The following KIN variants were observed in gnomAD, a reference collection of about 807,000 sequenced individuals.
KIN encodes DNA/RNA-binding protein KIN17.
KIN carries 47 observed loss-of-function variants against 63.0 expected under a neutral mutation model. The observed-to-expected ratio is 0.75, with a 90% CI of 0.59 to 0.95. KIN has a LOEUF of 0.95. Ranked by LOEUF, KIN falls within the 40% of genes least tolerant of loss-of-function variation. The probability of loss-of-function intolerance (pLI) is 0.00; values close to 1 mark genes in which losing one functional copy is unlikely to be tolerated. For synonymous variants in KIN, 160 were observed against 157.7 expected (o/e 1.01, Z -0.11); for missense variants, 408 against 460.9 (o/e 0.89, Z 1.05).
intron 5 of KIN, among the ~76,000 whole-genome samples, chr10:7,778,506 C>T (rs762914038): frequency 2.0e-5 from 3 of 152,190 alleles, no homozygotes; most frequent in Non-Finnish European, 2.9e-5. Context: ...TTTGGGAGGC[C>T]GAGGCGGCCG....
chr10:7,762,018 T>A (rs1263279093), intron 11 of KIN, among the ~76,000 whole-genome samples: 1 of 151,830 alleles, frequency 6.6e-6, no homozygotes, highest in Admixed American at 6.6e-5. Context: ...AATAAATAAA[T>A]AAAAATAAAA....
intron 7 of KIN, among the ~76,000 whole-genome samples, chr10:7,772,808 C>G (rs534148247): frequency 6.6e-6 from 1 of 152,262 alleles, no homozygotes; most frequent in East Asian, 1.9e-4. Flanking sequence ...TTGCTAATAT[C>G]AAGGTTTGGC....
At chr10:7,777,309 C>T (rs957840428) in intron 5 of KIN, among the ~76,000 whole-genome samples, 1 of 150,478 alleles carries the variant, frequency 6.6e-6, no homozygotes, top group Non-Finnish European at 1.5e-5. Context: ...TCGTGGTATA[C>T]TGGAACAATG....
chr10:7,769,851 T>C (rs73628492), intron 7 of KIN, among the ~76,000 whole-genome samples: 9,769 of 152,240 alleles, frequency 0.064, 489 homozygotes, highest in African/African-American at 0.13. Context: ...CACGTTACTC[T>C]CAGTTCTGGT....
intron 7 of KIN, among the ~76,000 whole-genome samples, chr10:7,771,981 A>G (rs1835675917): frequency 6.6e-6 from 1 of 152,078 alleles, no homozygotes. Context: ...GGGGAAAAAG[A>G]TGATCAGAAG....
At chr10:7,775,907 G>C (rs535720764) in intron 5 of KIN, 108 bp from the exon 6 acceptor site, 1 of 611,918 alleles carries the variant, frequency 1.6e-6, no homozygotes, top group Non-Finnish European at 2.9e-6. Context: ...GCTCTAATAC[G>C]CAAGTGATTA....
chr10:7,775,372 T>C (rs7083482), intron 6 of KIN, among the ~76,000 whole-genome samples: 126,000 of 152,152 alleles, frequency 0.83, 52,275 homozygotes, highest in East Asian at 0.87. Context: ...ATCCTTGCTC[T>C]TAACAAGATT....
At chr10:7,775,231 G>A (rs1835746128) in intron 6 of KIN, among the ~76,000 whole-genome samples, 1 of 152,200 alleles carries the variant, frequency 6.6e-6, no homozygotes, top group South Asian at 2.1e-4. Flanking sequence ...CATCTCTGGG[G>A]TGAATTCTGA....
At chr10:7,769,455 G>A in intron 7 of KIN, 110 bp from the exon 8 acceptor site, 1 of 1,100,040 alleles carries the variant, frequency 9.1e-7, no homozygotes, top group Non-Finnish European at 1.3e-6. Flanking sequence ...TAATTTACAG[G>A]AGATTAGTGA....
rs1835538536 is a variant in KIN, at chr10:7,766,102, A to G, written c.800T>C (p.Ile267Thr). ...KKSALDEIME[I>T]EEEKKRTART... ...GGCAGTTCTTTTCTTTTCCTCTTCAATCTGTAGAACACATAATGTCTTAAA... is the reference window on the plus strand; with the variant it reads ...GGCAGTTCTTTTCTTTTCCTCTTCAGTCTGTAGAACACATAATGTCTTAAA... Residue 267 changes from isoleucine to threonine, a missense_variant and splice_region_variant, in exon 9 of 13, where the codon ATT (isoleucine) becomes ACT (threonine). Transcript: ENST00000379562. 1 of 1,605,588 alleles carries G rather than the reference A, an allele frequency of 6.2e-7. No individual in the cohort carries two copies. The highest frequency in any genetic ancestry group is 8.5e-7 in the Non-Finnish European group (1 of 1,173,480).
intron 5 of KIN, among the ~76,000 whole-genome samples, chr10:7,777,068 A>AT: frequency 6.6e-6 from 1 of 151,328 alleles, no homozygotes; most frequent in Non-Finnish European, 1.5e-5. Context: ...AAAAAAAAAA[A>AT]AAAAAAAAAT....
chr10:7,772,624 T>C (rs1328960595), intron 7 of KIN, among the ~76,000 whole-genome samples: 4 of 152,216 alleles, frequency 2.6e-5, no homozygotes, highest in Non-Finnish European at 5.9e-5. Flanking sequence ...CCAAACTATA[T>C]TATGTACCAT....
At chr10:7,769,992 G>A (rs28545083) in intron 7 of KIN, among the ~76,000 whole-genome samples, 8,764 of 152,094 alleles carry the variant, frequency 0.058, 855 homozygotes, top group African/African-American at 0.2. Context: ...GTGCAGTGGC[G>A]CGATCTTGGC....
At chr10:7,762,945 A>G (rs1246584265) in intron 10 of KIN, among the ~76,000 whole-genome samples, 9 of 152,212 alleles carry the variant, frequency 5.9e-5, no homozygotes, top group African/African-American at 1.9e-4. Flanking sequence ...GGCCTAGAAT[A>G]TTGATACAAA....
chr10:7,781,587 T>TAC (rs3036327), intron 2 of KIN, among the ~76,000 whole-genome samples: 5,421 of 140,674 alleles, frequency 0.039, 132 homozygotes, highest in South Asian at 0.087. Flanking sequence ...ACCCTGTCTC[T>TAC]ACACACACAC....
chr10:7,773,015 G>A (rs1014746414), intron 7 of KIN, among the ~76,000 whole-genome samples: 49 of 152,352 alleles, frequency 3.2e-4, no homozygotes, highest in Middle Eastern at 3.4e-3. Flanking sequence ...GCAAGGTGGA[G>A]GGAGATTTGA....
rs1387978055 is a variant in KIN at position 7,775,734 on chromosome 10, A to AT, written c.607+16dup. The AT allele has an allele frequency of 7.0e-7, 1 of 1,423,792 alleles. No homozygotes were observed. The allele number at this position is 1,423,792 out of a possible 1,614,324, so 88.2% of individuals were successfully genotyped here. On this transcript the variant is annotated intron_variant, in intron 6 of 12. Transcript: ENST00000379562. Reference sequence around the variant, plus strand: ...GCATCTATGTTTAAAAAAAGAAAAAATAAAAAATAAAACTACCTTTCTCTT... The same window carrying AT: ...GCATCTATGTTTAAAAAAAGAAAAAATTAAAAAATAAAACTACCTTTCTCTT...
intron 8 of KIN, among the ~76,000 whole-genome samples, chr10:7,767,798 G>A (rs948317433): frequency 2.7e-5 from 4 of 150,258 alleles, no homozygotes; most frequent in Admixed American, 2.7e-4. Context: ...GGTAGATGGT[G>A]CAGGGAGCTG....
At chr10:7,785,874 T>C (rs777700473) in intron 1 of KIN, among the ~76,000 whole-genome samples, 2 of 151,162 alleles carry the variant, frequency 1.3e-5, no homozygotes, top group African/African-American at 2.4e-5. Context: ...ATTCAGAATA[T>C]AGAGAAAATT....
Sources: allele counts gnomAD v4.1 joint callset (sites outside exome capture counted in the v4.1 genomes callset), GRCh38; gene constraint gnomAD v4.1.1; transcripts MANE v1.5; gene names NCBI Gene and HGNC (gene_info 2026-07-23, HGNC 2026-07-21).